Variants in MACROD1 observed in about 807,000 individuals in gnomAD.
The protein encoded by MACROD1 is ADP-ribose glycohydrolase MACROD1.
In MACROD1, 31 loss-of-function variants were observed where a neutral mutation model predicts 41.4. The ratio of observed to expected loss-of-function variants is 0.75; its 90% confidence interval spans 0.56 to 1.01. The LOEUF (loss-of-function observed/expected upper bound fraction) is 1.01. Ranked by LOEUF, MACROD1 falls within the 50% of genes least tolerant of loss-of-function variation. MACROD1 has a pLI of 0.00. For synonymous variants in MACROD1, 252 were observed against 203.4 expected (o/e 1.24, Z -2.03); for missense variants, 473 against 460.0 (o/e 1.03, Z -0.26).
At chr11:64,134,615 G>C (rs1041155712) in intron 3 of MACROD1, among the ~76,000 whole-genome samples, 6 of 152,186 alleles carry the variant, frequency 3.9e-5, no homozygotes, top group African/African-American at 1.4e-4. Flanking sequence ...ATGCAGGGGT[G>C]GGGGACAGCA....
chr11:64,139,376 C>T (rs1945377164), intron 3 of MACROD1, among the ~76,000 whole-genome samples: 1 of 152,216 alleles, frequency 6.6e-6, no homozygotes, highest in Non-Finnish European at 1.5e-5. Context: ...AGCCTGCTTC[C>T]CCATAAGACT....
At position 64,124,381 on chromosome 11, in the gene MACROD1, G is replaced by C. The variant is rs189954180; in HGVS notation, c.517+26858C>G. ...TGTATCTATCCATCCATCCATCACC[G>C]CCGGTGGATGGCGCCTGGGGCACTT... On this transcript the variant is annotated intron_variant, in intron 3 of 10. Coordinates refer to ENST00000255681, the MANE Select transcript of MACROD1 (RefSeq NM_014067.4). Among the ~76,000 whole-genome samples, 117 of 152,310 alleles carry C rather than the reference G, an allele frequency of 7.7e-4. No homozygotes were observed. The Middle Eastern group carries it at 0.01, about 13-fold the overall frequency.
intron 3 of MACROD1, among the ~76,000 whole-genome samples, chr11:64,089,763 G>A (rs995167480): frequency 1.3e-5 from 2 of 152,180 alleles, no homozygotes; most frequent in Non-Finnish European, 2.9e-5. Context: ...TGCCAGTCCC[G>A]TGGGGGCAGG....
At chr11:64,132,250 C>T (rs368548523) in intron 3 of MACROD1, among the ~76,000 whole-genome samples, 3 of 152,124 alleles carry the variant, frequency 2.0e-5, no homozygotes, top group Middle Eastern at 3.4e-3. Context: ...TGCCTGCTGG[C>T]TTTGGGGGGA....
chr11:64,143,548 C>T (rs1945443421), intron 3 of MACROD1, among the ~76,000 whole-genome samples: 1 of 152,070 alleles, frequency 6.6e-6, no homozygotes, highest in East Asian at 1.9e-4. Context: ...CAGGAGGCCT[C>T]AGGGGACCCA....
chr11:64,017,513 G>A (rs2134344497), intron 3 of MACROD1, among the ~76,000 whole-genome samples: 1 of 152,260 alleles, frequency 6.6e-6, no homozygotes, highest in Middle Eastern at 3.4e-3. Context: ...ACTGTCTGAG[G>A]GTCGGTCAGA....
intron 3 of MACROD1, among the ~76,000 whole-genome samples, chr11:64,023,545 G>T (rs983376608): frequency 1.3e-5 from 2 of 152,176 alleles, no homozygotes; most frequent in African/African-American, 4.8e-5. Context: ...GTAAGTCAGG[G>T]AGAAGGATTT....
chr11:64,074,438 G>A (rs1210599774), intron 3 of MACROD1, among the ~76,000 whole-genome samples: 9 of 152,178 alleles, frequency 5.9e-5, no homozygotes, highest in African/African-American at 1.9e-4. Flanking sequence ...AGGATCCCAC[G>A]TGACCCTAGG....
chr11:64,155,172 G>A (rs1285083391), intron 1 of MACROD1, among the ~76,000 whole-genome samples: 4 of 152,250 alleles, frequency 2.6e-5, no homozygotes, highest in East Asian at 1.9e-4. Flanking sequence ...AAGGTTGAGG[G>A]CGAGTTTGCT....
At chr11:64,086,435 T>G (rs1257499123) in intron 3 of MACROD1, among the ~76,000 whole-genome samples, 2 of 151,542 alleles carry the variant, frequency 1.3e-5, no homozygotes, top group Admixed American at 6.6e-5. Context: ...CTTTCTACTC[T>G]CCAGTCCAAA....
At position 64,036,215 on chromosome 11, in the gene MACROD1, C is replaced by T. The variant is rs1943377068; in HGVS notation, c.518-20934G>A. ...GGTCCGCGCGTCTGGGACAGGGCGC[C>T]AGAGCCGACGGGGCGGGGGCCGGGG... On this transcript the variant is annotated intron_variant, in intron 3 of 10. Transcript: ENST00000255681. This position sits in a 1 kb window ranked among gnomAD's most constrained non-coding sequence, Gnocchi z 5.6. 1 of 152,088 alleles carries T rather than the reference C, an allele frequency of 6.6e-6. No homozygotes were observed. Among genetic ancestry groups the T allele is most frequent in the African/African-American group, 2.4e-5 (1 of 41,416 alleles). The allele number at this position is 152,088 out of a possible 1,614,324, so 9.4% of individuals were successfully genotyped here. A position where few individuals can be genotyped will look rare whatever the true frequency, so the allele number is the denominator to read the frequency against.
chr11:64,042,366 A>T (rs1465438974), intron 3 of MACROD1, among the ~76,000 whole-genome samples: 1 of 152,028 alleles, frequency 6.6e-6, no homozygotes, highest in Non-Finnish European at 1.5e-5. Flanking sequence ...TCCTGCCCCC[A>T]GACAGTGGCC....
In MACROD1 at chr11:64,120,063, A is replaced by G. The variant is rs952506391; in HGVS notation, c.517+31176T>C. Among the ~76,000 whole-genome samples the G allele has an allele frequency of 2.0e-5, 3 of 152,192 alleles. No homozygotes were observed. Among genetic ancestry groups the G allele is most frequent in the African/African-American group, 7.2e-5 (3 of 41,454 alleles). The stretch of plus-strand genomic sequence containing the variant: ...GTGGTGCTATTTTCAAACGGCCTCC[A>G]CCACCGTGCGAAAAGCAAAGGCAGA... On this transcript the variant is annotated intron_variant, in intron 3 of 10. Coordinates refer to ENST00000255681, the MANE Select transcript of MACROD1 (RefSeq NM_014067.4). The surrounding 1 kb of genome is among the most constrained non-coding windows in gnomAD (Gnocchi z 4.5).
At position 64,036,622 on chromosome 11, in the gene MACROD1, C is replaced by A. The variant is rs1565203586; in HGVS notation, c.518-21341G>T. Reference sequence around the variant, plus strand: ...CCTGGGCGCCGCGCTCCCGTCCCCACCAGCCGCGTGAGTCACGGTTGGAGC... The same window carrying A: ...CCTGGGCGCCGCGCTCCCGTCCCCAACAGCCGCGTGAGTCACGGTTGGAGC... On this transcript the variant is annotated intron_variant, in intron 3 of 10. Transcript: ENST00000255681. The surrounding 1 kb of genome is among the most constrained non-coding windows in gnomAD (Gnocchi z 5.6). 6.6e-6 allele frequency among the ~76,000 whole-genome samples: 1 copy of A among 152,220 alleles called. No homozygotes were observed. The highest frequency in any genetic ancestry group is 1.5e-5 in the Non-Finnish European group (1 of 68,036).
chr11:64,101,065 C>A (rs75152830), intron 3 of MACROD1, among the ~76,000 whole-genome samples: 3,225 of 152,176 alleles, frequency 0.021, 113 homozygotes, highest in African/African-American at 0.074. Flanking sequence ...GCCAGGGAGA[C>A]AATTCTTTTC....
chr11:64,116,475 C>A (rs139162750), intron 3 of MACROD1: 1 of 1,613,968 alleles, frequency 6.2e-7, no homozygotes, highest in African/African-American at 1.3e-5. Context: ...CTGCAACGAC[C>A]GGGGACTCAC....
chr11:64,163,316 A>G (rs988966746), intron 1 of MACROD1, among the ~76,000 whole-genome samples: 1 of 152,214 alleles, frequency 6.6e-6, no homozygotes, highest in African/African-American at 2.4e-5. Flanking sequence ...AATTTTTTTA[A>G]GAAAATAAAA....
At chr11:64,066,938 G>A (rs1399264578) in intron 3 of MACROD1, among the ~76,000 whole-genome samples, 2 of 152,134 alleles carry the variant, frequency 1.3e-5, no homozygotes, top group Non-Finnish European at 2.9e-5. Context: ...CCCAGGTGCT[G>A]CCCGCCCCAG....
chr11:63,998,929 G>T, intron 9 of MACROD1, 26 bp downstream of exon 9: 1 of 1,557,142 alleles, frequency 6.4e-7, no homozygotes, highest in South Asian at 1.2e-5. Flanking sequence ...GCAGGGGCGG[G>T]CCGTGGGGCG....
Sources: allele counts gnomAD v4.1 joint callset (sites outside exome capture counted in the v4.1 genomes callset), GRCh38; gene constraint gnomAD v4.1.1; non-coding constraint Gnocchi (gnomAD v3.1); transcripts MANE v1.5; gene names NCBI Gene and HGNC (gene_info 2026-07-23, HGNC 2026-07-21).